The following KRTAP5-10 variants were observed in gnomAD, a reference collection of about 807,000 sequenced individuals.
The protein encoded by KRTAP5-10 is keratin-associated protein 5-10.
In KRTAP5-10, 1 loss-of-function variant was observed where a neutral mutation model predicts 1.6. That is an observed-to-expected ratio of 0.64 (90% CI 0.23 to 3.04). The LOEUF is 3.04. KRTAP5-10 is among the 30% of genes most tolerant of loss of function. KRTAP5-10 has a pLI of 0.21. For missense variants in KRTAP5-10, 219 were observed against 255.2 expected, an observed-to-expected ratio of 0.86 and a Z score of 0.97; for synonymous variants, 76 against 102.0, an observed-to-expected ratio of 0.75 and a Z score of 1.54.
In KRTAP5-10 at chr11:71,566,080, C is replaced by A; in HGVS notation, c.493C>A (p.Pro165Thr). The change falls in exon 1 of 1, where the codon CCC (proline) becomes ACC (threonine). Residue 165 changes from proline to threonine, a missense_variant. Physicochemically the swap from Pro to Thr is conservative, Grantham distance 38. Transcript: ENST00000398531. Reference sequence around the variant, plus strand: ...CTGCTGCCAGTCCAGCTGCTGCAATCCCTGCTGCTGCCAGTCCAGCTGCTG... The same window carrying A: ...CTGCTGCCAGTCCAGCTGCTGCAATACCTGCTGCTGCCAGTCCAGCTGCTG... Reference protein sequence around the residue: ...GSCCQSSCCNPCCCQSSCCVP... With the variant: ...GSCCQSSCCNTCCCQSSCCVP... 5 of 1,611,252 alleles carry A rather than the reference C, an allele frequency of 3.1e-6. No homozygotes were observed. The highest frequency in any genetic ancestry group is 4.2e-6 in the Non-Finnish European group (5 of 1,179,590).
chr11:71,565,628 G>C lies in KRTAP5-10; in HGVS notation c.41G>C (p.Cys14Ser). 1 of 1,550,952 alleles carries C rather than the reference G, an allele frequency of 6.4e-7. No homozygotes were observed. The highest frequency in any genetic ancestry group is 1.1e-5 in the South Asian group (1 of 87,070). ...TGCTCCGGAGGCTGTGGCTCCGGCT[G>C]TGGGGGTTGTGGCTCCGGCTGTGGG... ...CGCSGGCGSG[C>S]GGCGSGCGGC... Residue 14 changes from cysteine (C) to serine (S), a missense_variant, in exon 1 of 1, where the codon TGT becomes TCT. Cys to Ser is a moderately radical substitution (Grantham distance 112). Coordinates refer to ENST00000398531, the MANE Select transcript of KRTAP5-10 (RefSeq NM_001012710.2).
At position 71,566,494 on chromosome 11, in the gene KRTAP5-10, G is replaced by C; in HGVS notation, c.*298G>C. ...GTGGACCATCTTCTTCTTCTCCCTC[G>C]GCTGACTGAGATGCAAGGTCTGACC... On this transcript the variant is annotated 3_prime_UTR_variant, in exon 1 of 1. Transcript: ENST00000398531. 1 of 506,826 alleles carries C rather than the reference G, an allele frequency of 2.0e-6. No homozygotes were observed. 31.4% of individuals were successfully genotyped at this position (506,826 alleles called of 1,614,324 possible).
At position 71,566,262 on chromosome 11, in the gene KRTAP5-10, T is replaced by A. The variant is rs1209686166; in HGVS notation, c.*66T>A. The A allele has an allele frequency of 5.1e-5, 81 of 1,603,310 alleles. No individual in the cohort carries two copies. Among genetic ancestry groups the A allele is most frequent in the Middle Eastern group, 1.7e-4 (1 of 6,022 alleles). ...AAGCATTTGTTATGATTTCCCTGAA[T>A]TAATTCATCCCACGCATCCTCCCTG... On this transcript the variant is annotated 3_prime_UTR_variant, in exon 1 of 1. Transcript: ENST00000398531.
Position 71,565,663 on chromosome 11 carries a change from T to A in KRTAP5-10, c.76T>A (p.Ser26Thr), listed in dbSNP as rs779792226. ...TGGCTCCGGCTGTGGGGGCTGTGGC[T>A]CCGGCTGTGGGGGCTATGGCTCTGG... ...GCGSGCGGCG[S>T]GCGGYGSGCG... The change falls in exon 1 of 1, where the codon TCC becomes ACC. Residue 26 changes from serine to threonine, a missense_variant. Physicochemically the swap from Ser to Thr is moderately conservative, Grantham distance 58. Coordinates refer to ENST00000398531, the MANE Select transcript of KRTAP5-10 (RefSeq NM_001012710.2). 1 of 1,597,958 alleles carries A rather than the reference T, an allele frequency of 6.3e-7. No individual in the cohort carries two copies. The highest frequency in any genetic ancestry group is 1.4e-5 in the African/African-American group (1 of 71,594).
In KRTAP5-10 at chr11:71,566,113, G is replaced by T. The variant is rs746670846; in HGVS notation, c.526G>T (p.Val176Leu). 6 of 1,609,994 alleles carry T rather than the reference G, an allele frequency of 3.7e-6. No individual in the cohort carries two copies. In the Admixed American group the frequency reaches 6.7e-5, roughly 18 times the overall value. Residue 176 changes from valine to leucine, a missense_variant, in exon 1 of 1, where the codon GTG (valine) becomes TTG (leucine). By Grantham distance (32) the Val-to-Leu change is conservative. This residue lies in a region of KRTAP5-10 where 124 missense variants were observed against 127.2 expected (regional missense o/e 0.98). Coordinates refer to ENST00000398531, the MANE Select transcript of KRTAP5-10 (RefSeq NM_001012710.2). ...CCCQSSCCVP[V>L]CCQSSCCKPC... ...CTGCCAGTCCAGCTGCTGTGTCCCC[G>T]TGTGCTGCCAGTCTAGCTGCTGCAA...
At position 71,566,240 on chromosome 11, in the gene KRTAP5-10, C is replaced by T; in HGVS notation, c.*44C>T. On this transcript the variant is annotated 3_prime_UTR_variant, in exon 1 of 1. Coordinates refer to ENST00000398531, the MANE Select transcript of KRTAP5-10 (RefSeq NM_001012710.2). ...TCAGGTTTCACCTGTTTGGTGAAAG[C>T]ATTTGTTATGATTTCCCTGAATTAA... The T allele has an allele frequency of 6.2e-7, 1 of 1,610,930 alleles. No homozygotes were observed. The highest frequency in any genetic ancestry group is 8.5e-7 in the Non-Finnish European group (1 of 1,177,676).
rs1183180277 is a variant in KRTAP5-10 at position 71,566,657 on chromosome 11, C to T, written c.*461C>T. Reference sequence around the variant, plus strand: ...GTGACCAGGAAGGTCTCCTTCCTTCCTGTTGTCTCCATCTATTTAAAAACA... The same window carrying T: ...GTGACCAGGAAGGTCTCCTTCCTTCTTGTTGTCTCCATCTATTTAAAAACA... On this transcript the variant is annotated 3_prime_UTR_variant, in exon 1 of 1. Coordinates refer to ENST00000398531, the MANE Select transcript of KRTAP5-10 (RefSeq NM_001012710.2). 1 of 190,536 alleles carries T rather than the reference C, an allele frequency of 5.2e-6. No homozygotes were observed. Among genetic ancestry groups the T allele is most frequent in the Non-Finnish European group, 1.1e-5 (1 of 88,664 alleles). 11.8% of individuals were successfully genotyped at this position (190,536 alleles called of 1,614,324 possible).
chr11:71,565,769 G>T lies in KRTAP5-10; in HGVS notation c.182G>T (p.Cys61Phe), dbSNP rs1405100288. Residue 61 changes from cysteine to phenylalanine, a missense_variant, in exon 1 of 1, where the codon TGC becomes TTC. By Grantham distance (205) the Cys-to-Phe change is radical. Coordinates refer to ENST00000398531, the MANE Select transcript of KRTAP5-10 (RefSeq NM_001012710.2). ...PVCCCVPACSCSSCGSCGGSK... is the reference protein window; with the variant it reads ...PVCCCVPACSFSSCGSCGGSK... ...TGCTGCTGTGTGCCAGCCTGTTCCT[G>T]CTCCAGCTGTGGCTCCTGTGGGGGC... 6.2e-7 allele frequency: 1 copy of T among 1,606,282 alleles called. No individual in the cohort carries two copies. The highest frequency in any genetic ancestry group is 8.5e-7 in the Non-Finnish European group (1 of 1,177,580).
chr11:71,566,580 G>A lies in KRTAP5-10; in HGVS notation c.*384G>A. ...AAGAACCAGCTTCTCAACCACCATT[G>A]GGACCCTGGATCCTCCAGGGCCGCT... On this transcript the variant is annotated 3_prime_UTR_variant, in exon 1 of 1. Transcript: ENST00000398531. 3.6e-6 allele frequency: 1 copy of A among 275,784 alleles called. No homozygotes were observed. The highest frequency in any genetic ancestry group is 7.1e-6 in the Non-Finnish European group (1 of 141,654). 17.1% of individuals were successfully genotyped at this position (275,784 alleles called of 1,614,324 possible).
In KRTAP5-10 at chr11:71,565,794, C is replaced by A; in HGVS notation, c.207C>A (p.Gly69=). 6.5e-7 allele frequency: 1 copy of A among 1,545,028 alleles called. No individual in the cohort carries two copies. Among genetic ancestry groups the A allele is most frequent in the Non-Finnish European group, 8.8e-7 (1 of 1,138,658 alleles). ...CSCSSCGSCG[G]SKGDCGSCGG... is the part of the protein sequence containing the mutation. ...GCTCCAGCTGTGGCTCCTGTGGGGG[C>A]TCCAAGGGGGACTGTGGCTCTTGTG... The change falls in exon 1 of 1, where the codon GGC becomes GGA. Residue 69 remains glycine (G), a synonymous_variant. Coordinates refer to ENST00000398531, the MANE Select transcript of KRTAP5-10 (RefSeq NM_001012710.2).
In KRTAP5-10 at chr11:71,565,611, A is replaced by G. The variant is rs748790849; in HGVS notation, c.24A>G (p.Gly8=). The G allele has an allele frequency of 0.037, 57,064 of 1,532,620 alleles. 2,397 individuals are homozygous for G. The highest frequency in any genetic ancestry group is 0.055 in the Middle Eastern group (253 of 4,564). 94.9% of individuals were successfully genotyped at this position (1,532,620 alleles called of 1,614,324 possible). A position where few individuals can be genotyped will look rare whatever the true frequency, so the allele number is the denominator to read the frequency against. ...TCATGGGCTGCTGTGGCTGCTCCGG[A>G]GGCTGTGGCTCCGGCTGTGGGGGTT... MGCCGCS[G]GCGSGCGGCG... Residue 8 remains glycine, a synonymous_variant, in exon 1 of 1, where the codon GGA becomes GGG. Transcript: ENST00000398531.
In KRTAP5-10 at chr11:71,566,660, T is replaced by C. The variant is rs1434067494; in HGVS notation, c.*464T>C. On this transcript the variant is annotated 3_prime_UTR_variant, in exon 1 of 1. Coordinates refer to ENST00000398531, the MANE Select transcript of KRTAP5-10 (RefSeq NM_001012710.2). Reference sequence around the variant, plus strand: ...ACCAGGAAGGTCTCCTTCCTTCCTGTTGTCTCCATCTATTTAAAAACAATA... The same window carrying C: ...ACCAGGAAGGTCTCCTTCCTTCCTGCTGTCTCCATCTATTTAAAAACAATA... The C allele has an allele frequency of 5.3e-6, 1 of 188,420 alleles. No homozygotes were observed. Among genetic ancestry groups the C allele is most frequent in the Non-Finnish European group, 1.1e-5 (1 of 87,384 alleles). 11.7% of individuals were successfully genotyped at this position (188,420 alleles called of 1,614,324 possible).
rs7120471 is a variant in KRTAP5-10 at position 71,566,552 on chromosome 11, A to C, written c.*356A>C. On this transcript the variant is annotated 3_prime_UTR_variant, in exon 1 of 1. Transcript: ENST00000398531. The stretch of plus-strand genomic sequence containing the variant: ...GCCAGGCCAATGTTGCTCAGTGATC[A>C]CTAAGAACCAGCTTCTCAACCACCA... 0.44 allele frequency: 152,337 copies of C among 344,278 alleles called. 35,062 individuals carry two copies. The highest frequency in any genetic ancestry group is 0.6 in the East Asian group (9,353 of 15,664). The allele number at this position is 344,278 out of a possible 1,614,324, so 21.3% of individuals were successfully genotyped here.
In KRTAP5-10 at chr11:71,565,892, G is replaced by A. The variant is rs1555158781; in HGVS notation, c.305G>A (p.Gly102Glu). The change falls in exon 1 of 1, where the codon GGG (glycine) becomes GAG (glutamate). Residue 102 changes from glycine (G) to glutamate (E), a missense_variant. By Grantham distance (98) the Gly-to-Glu change is moderately conservative. Coordinates refer to ENST00000398531, the MANE Select transcript of KRTAP5-10 (RefSeq NM_001012710.2). ...GGCGSCGGSK[G>E]GCGSCGGSKG... Reference sequence around the variant, plus strand: ...TGTGGCTCCTGTGGGGGCTCCAAGGGGGGCTGTGGTTCTTGTGGGGGCTCC... The same window carrying A: ...TGTGGCTCCTGTGGGGGCTCCAAGGAGGGCTGTGGTTCTTGTGGGGGCTCC... 6 of 1,337,590 alleles carry A rather than the reference G, an allele frequency of 4.5e-6. No homozygotes were observed. Among genetic ancestry groups the A allele is most frequent in the Non-Finnish European group, 6.0e-6 (6 of 999,608 alleles). 82.9% of individuals were successfully genotyped at this position (1,337,590 alleles called of 1,614,324 possible). A position where few individuals can be genotyped will look rare whatever the true frequency, so the allele number is the denominator to read the frequency against.
At position 71,566,308 on chromosome 11, in the gene KRTAP5-10, G is replaced by C. The variant is rs1466675555; in HGVS notation, c.*112G>C. On this transcript the variant is annotated 3_prime_UTR_variant, in exon 1 of 1. Transcript: ENST00000398531. ...CCCTGAGGCACCTGCCCCTTCTCCA[G>C]CTCATCATCCATGCACGCACCTCCT... is the stretch of plus-strand genomic sequence containing the variant. 18 of 1,514,942 alleles carry C rather than the reference G, an allele frequency of 1.2e-5. No homozygotes were observed. The Middle Eastern group carries it at 5.8e-4, about 48-fold the overall frequency. The allele number at this position is 1,514,942 out of a possible 1,614,324, so 93.8% of individuals were successfully genotyped here.
Position 71,565,810 on chromosome 11 carries a change from G to C in KRTAP5-10, c.223G>C (p.Gly75Arg), listed in dbSNP as rs774367467. Residue 75 changes from glycine to arginine, a missense_variant, in exon 1 of 1, where the codon GGC (glycine) becomes CGC (arginine). By Grantham distance (125) the Gly-to-Arg change is moderately radical. Around this residue, in one of 3 missense-constraint regions of KRTAP5-10, gnomAD observed 92 missense variants for 108.8 expected, o/e 0.85. Coordinates refer to ENST00000398531, the MANE Select transcript of KRTAP5-10 (RefSeq NM_001012710.2). ...GSCGGSKGDC[G>R]SCGGSKGGCG... Reference sequence around the variant, plus strand: ...CTGTGGGGGCTCCAAGGGGGACTGTGGCTCTTGTGGGGGCTCCAAAGGGGG... The same window carrying C: ...CTGTGGGGGCTCCAAGGGGGACTGTCGCTCTTGTGGGGGCTCCAAAGGGGG... The C allele has an allele frequency of 2.0e-6, 3 of 1,537,924 alleles. No homozygotes were observed. Among genetic ancestry groups the C allele is most frequent in the Non-Finnish European group, 2.6e-6 (3 of 1,133,526 alleles).
In KRTAP5-10 at chr11:71,566,109, C is replaced by T. The variant is rs1950189892; in HGVS notation, c.522C>T (p.Val174=). ...GCTGCTGCCAGTCCAGCTGCTGTGTCCCCGTGTGCTGCCAGTCTAGCTGCT... is the reference window on the plus strand; with the variant it reads ...GCTGCTGCCAGTCCAGCTGCTGTGTTCCCGTGTGCTGCCAGTCTAGCTGCT... ...NPCCCQSSCC[V]PVCCQSSCCK... The change falls in exon 1 of 1, where the codon GTC becomes GTT. Residue 174 remains valine, a synonymous_variant. Transcript: ENST00000398531. 6.2e-7 allele frequency: 1 copy of T among 1,609,970 alleles called. No individual in the cohort carries two copies. The highest frequency in any genetic ancestry group is 1.7e-5 in the Admixed American group (1 of 59,872).
At position 71,566,308 on chromosome 11, in the gene KRTAP5-10, G is replaced by T; in HGVS notation, c.*112G>T. 1 of 1,515,060 alleles carries T rather than the reference G, an allele frequency of 6.6e-7. No homozygotes were observed. Among genetic ancestry groups the T allele is most frequent in the Non-Finnish European group, 9.0e-7 (1 of 1,107,028 alleles). 93.9% of individuals were successfully genotyped at this position (1,515,060 alleles called of 1,614,324 possible). A position where few individuals can be genotyped will look rare whatever the true frequency, so the allele number is the denominator to read the frequency against. ...CCCTGAGGCACCTGCCCCTTCTCCAGCTCATCATCCATGCACGCACCTCCT... is the reference window on the plus strand; with the variant it reads ...CCCTGAGGCACCTGCCCCTTCTCCATCTCATCATCCATGCACGCACCTCCT... On this transcript the variant is annotated 3_prime_UTR_variant, in exon 1 of 1. Transcript: ENST00000398531.
chr11:71,565,587 C>G lies in KRTAP5-10; in HGVS notation c.-1C>G, dbSNP rs1317091951. On this transcript the variant is annotated 5_prime_UTR_variant, in exon 1 of 1. The change creates a new upstream start codon in the 5' untranslated region. Transcript: ENST00000398531. ...TGATCCACCCTCAATCTACCAGAATCATGGGCTGCTGTGGCTGCTCCGGAG... is the reference window on the plus strand; with the variant it reads ...TGATCCACCCTCAATCTACCAGAATGATGGGCTGCTGTGGCTGCTCCGGAG... 1 of 1,612,034 alleles carries G rather than the reference C, an allele frequency of 6.2e-7. No individual in the cohort carries two copies. Among genetic ancestry groups the G allele is most frequent in the Non-Finnish European group, 8.5e-7 (1 of 1,179,782 alleles).
Sources: gnomAD v4.1 joint callset for allele counts on GRCh38, gnomAD v4.1.1 for gene constraint, gnomAD v4.1.1 regional missense constraint, MANE v1.5 for transcripts, NCBI Gene and HGNC (gene_info 2026-07-23, HGNC 2026-07-21) for gene names.